Variants in KCNIP3 observed in about 807,000 individuals in gnomAD.
KCNIP3 encodes potassium voltage-gated channel interacting protein 3, also known as calsenilin.
A neutral mutation model predicts 35.0 loss-of-function variants in KCNIP3; 28 were observed. That is an observed-to-expected ratio of 0.80 (90% CI 0.59 to 1.10). KCNIP3 has a LOEUF of 1.10. KCNIP3 is among the 50% of genes least tolerant of loss of function. The pLI is 0.00. For missense variants in KCNIP3, 295 were observed against 338.4 expected (o/e 0.87, Z 1.01); for synonymous variants, 134 against 133.8 (o/e 1.00, Z -0.01).
chr2:95,299,421 C>T (rs551416872), intron 1 of KCNIP3, among the ~76,000 whole-genome samples: 6 of 152,328 alleles, frequency 3.9e-5, no homozygotes, highest in East Asian at 1.9e-4. Flanking sequence ...CTCAGGGTCA[C>T]GGTCAGTGGC....
chr2:95,345,879 G>A (rs1290348542), intron 2 of KCNIP3, among the ~76,000 whole-genome samples: 1 of 152,230 alleles, frequency 6.6e-6, no homozygotes, highest in African/African-American at 2.4e-5. Context: ...GAATAAGCAT[G>A]CCCTTGCCCT....
At position 95,384,008 on chromosome 2, in the gene KCNIP3, A is replaced by G. The variant is rs1481590443; in HGVS notation, c.730A>G (p.Asn244Asp). The G allele has an allele frequency of 6.2e-7, 1 of 1,613,924 alleles. No homozygotes were observed. The highest frequency in any genetic ancestry group is 1.7e-5 in the Admixed American group (1 of 60,022). Residue 244 changes from asparagine to aspartate, a missense_variant, in exon 9 of 9, where the codon AAC (asparagine) becomes GAC (aspartate). By Grantham distance (23) the Asn-to-Asp change is conservative. Coordinates refer to ENST00000295225, the MANE Select transcript of KCNIP3 (RefSeq NM_013434.5). The part of the protein sequence containing the change: ...EFLEACQKDE[N>D]IMSSMQLFEN... ...CCTTCCTCTCTCCATGCAGGATGAG[A>G]ACATCATGAGCTCCATGCAGCTGTT...
intron 2 of KCNIP3, among the ~76,000 whole-genome samples, chr2:95,317,652 G>C (rs530706294): frequency 6.6e-6 from 1 of 152,150 alleles, no homozygotes; most frequent in Admixed American, 6.5e-5. Context: ...GAGGAGAGAC[G>C]CTGCTTTTGA....
At position 95,310,576 on chromosome 2, in the gene KCNIP3, C is replaced by T. The variant is rs767453594; in HGVS notation, c.181+56C>T. The T allele has an allele frequency of 5.0e-6, 8 of 1,601,820 alleles. No homozygotes were observed. The African/African-American group carries it at 8.0e-5, about 16-fold the overall frequency. Reference sequence around the variant, plus strand: ...TGGGGGTGGGGAGATCTGTTCTGAGCACTGTCCTTTCTGAGGGCTCAAAGG... The same window carrying T: ...TGGGGGTGGGGAGATCTGTTCTGAGTACTGTCCTTTCTGAGGGCTCAAAGG... On this transcript the variant is annotated intron_variant, in intron 2 of 8. Transcript: ENST00000295225.
chr2:95,367,144 G>A (rs1272034473), intron 2 of KCNIP3, among the ~76,000 whole-genome samples: 1 of 152,052 alleles, frequency 6.6e-6, no homozygotes, highest in African/African-American at 2.4e-5. Context: ...GTGGTGGTGC[G>A]TGCCTGTAGT....
At chr2:95,346,243 G>C (rs1166608911) in intron 2 of KCNIP3, among the ~76,000 whole-genome samples, 1 of 151,700 alleles carries the variant, frequency 6.6e-6, no homozygotes, top group Admixed American at 6.6e-5. Context: ...ACTCCGCGCG[G>C]GCCAGCGGCG....
chr2:95,336,539 A>G (rs1679063841), intron 2 of KCNIP3, among the ~76,000 whole-genome samples: 1 of 152,162 alleles, frequency 6.6e-6, no homozygotes, highest in South Asian at 2.1e-4. Context: ...TCTGAATTTT[A>G]TTTCTATTGA....
At chr2:95,346,898 G>A (rs1341955372) in intron 2 of KCNIP3, 1 of 420,436 alleles carries the variant, frequency 2.4e-6, no homozygotes, top group Admixed American at 4.9e-5. Context: ...GCCTGCCGGG[G>A]GCATGTGAGC....
At chr2:95,342,149 T>C (rs1194000806) in intron 2 of KCNIP3, among the ~76,000 whole-genome samples, 1 of 152,138 alleles carries the variant, frequency 6.6e-6, no homozygotes, top group Non-Finnish European at 1.5e-5. Flanking sequence ...GCTGCGAGTG[T>C]GACCACAGCC....
chr2:95,306,226 G>A (rs1424465142), intron 1 of KCNIP3, among the ~76,000 whole-genome samples: 1 of 152,212 alleles, frequency 6.6e-6, no homozygotes, highest in Non-Finnish European at 1.5e-5. Context: ...CCTCCTCTGC[G>A]TTGCCAGAAT....
intron 2 of KCNIP3, among the ~76,000 whole-genome samples, chr2:95,317,217 C>A (rs1678479702): frequency 6.6e-6 from 1 of 152,234 alleles, no homozygotes; most frequent in Non-Finnish European, 1.5e-5. Flanking sequence ...TGTCTGGCTG[C>A]AGAGAAGCCC....
chr2:95,306,035 T>A (rs1401233149), intron 1 of KCNIP3, among the ~76,000 whole-genome samples: 1 of 152,260 alleles, frequency 6.6e-6, no homozygotes, highest in African/African-American at 2.4e-5. Context: ...GGCTCTGTGG[T>A]AGCGCATGCC....
Position 95,300,105 on chromosome 2 carries a change from G to A in KCNIP3, c.15+2652G>A. ...GGTTGCGGAAGAAGACGCAGGAGGA[G>A]AAGGGCATGCCTTTAACCAGATGGC... On this transcript the variant is annotated intron_variant, in intron 1 of 8. Coordinates refer to ENST00000295225, the MANE Select transcript of KCNIP3 (RefSeq NM_013434.5). Among the ~76,000 whole-genome samples the A allele has an allele frequency of 1.3e-5, 2 of 152,228 alleles. 1 individual carries two copies. Among genetic ancestry groups the A allele is most frequent in the Non-Finnish European group, 2.9e-5 (2 of 68,044 alleles).
chr2:95,300,390 G>C (rs1327267148), intron 1 of KCNIP3, among the ~76,000 whole-genome samples: 6 of 152,348 alleles, frequency 3.9e-5, no homozygotes, highest in African/African-American at 1.4e-4. Flanking sequence ...TAGCAGAGGG[G>C]CCTTAGAGCC....
intron 2 of KCNIP3, among the ~76,000 whole-genome samples, chr2:95,359,006 A>G (rs1182191200): frequency 6.6e-6 from 1 of 152,092 alleles, no homozygotes; most frequent in Non-Finnish European, 1.5e-5. Flanking sequence ...AAAAGGTCCC[A>G]TCTCTTAATA....
At chr2:95,368,777 T>A (rs1243335343) in intron 2 of KCNIP3, 2 of 240,880 alleles carry the variant, frequency 8.3e-6, no homozygotes, top group African/African-American at 4.6e-5. Flanking sequence ...TTTGGTCACA[T>A]TTCCACCTGC....
At chr2:95,336,182 A>T (rs953552273) in intron 2 of KCNIP3, among the ~76,000 whole-genome samples, 1 of 152,192 alleles carries the variant, frequency 6.6e-6, no homozygotes, top group African/African-American at 2.4e-5. Context: ...GTTTGTTCTC[A>T]CTTTATCTTA....
At chr2:95,345,363 G>C (rs1483541348) in intron 2 of KCNIP3, among the ~76,000 whole-genome samples, 2 of 152,234 alleles carry the variant, frequency 1.3e-5, no homozygotes, top group East Asian at 1.9e-4. Flanking sequence ...AGAATCACAC[G>C]TAAGCTCAAA....
At position 95,382,449 on chromosome 2, in the gene KCNIP3, G is replaced by A. The variant is rs1322328940; in HGVS notation, c.628G>A (p.Ala210Thr). The change falls in exon 7 of 9, where the codon GCG (alanine) becomes ACG (threonine). Residue 210 changes from alanine (A) to threonine (T), a missense_variant. Coordinates refer to ENST00000295225, the MANE Select transcript of KCNIP3 (RefSeq NM_013434.5). This position sits in a 1 kb window ranked among gnomAD's most constrained non-coding sequence, Gnocchi z 4.5. ...CACCTACCCCATCCTGCGGGAGGAC[G>A]CGCCGGCGGAGCACGTGGAGAGGTT... ...RHTYPILRED[A>T]PAEHVERFFE... 11 of 1,608,928 alleles carry A rather than the reference G, an allele frequency of 6.8e-6. No individual in the cohort carries two copies. Among genetic ancestry groups the A allele is most frequent in the East Asian group, 2.3e-5 (1 of 44,360 alleles).
Sources: gnomAD v4.1 joint callset for allele counts (sites outside exome capture counted in the v4.1 genomes callset) on GRCh38, gnomAD v4.1.1 for gene constraint, Gnocchi (gnomAD v3.1) non-coding constraint, MANE v1.5 for transcripts, NCBI Gene and HGNC (gene_info 2026-07-23, HGNC 2026-07-21) for gene names.